ATP11A: variants seen among roughly 807,000 people sequenced by gnomAD.
The protein encoded by ATP11A is ATPase phospholipid transporting 11A, also known as phospholipid-transporting ATPase IH.
Under a neutral mutation model 154.4 loss-of-function variants are expected in ATP11A, and 81 were observed. That is an observed-to-expected ratio of 0.52 (90% CI 0.44 to 0.63). The LOEUF (loss-of-function observed/expected upper bound fraction) is 0.63, where lower values mean the gene tolerates loss of function less well. Among genes scored for constraint, ATP11A ranks in the 30% least tolerant of loss-of-function variants. ATP11A has a pLI of 0.00. For synonymous variants in ATP11A, 623 were observed against 585.9 expected (o/e 1.06, Z -0.91); for missense variants, 1,316 against 1,474.3 (o/e 0.89, Z 1.76).
At chr13:112,802,174 C>G (rs1319808039) in intron 2 of ATP11A, among the ~76,000 whole-genome samples, 1 of 152,104 alleles carries the variant, frequency 6.6e-6, no homozygotes, top group Non-Finnish European at 1.5e-5. Flanking sequence ...GAAACCCCAT[C>G]TCTACTAAAA....
chr13:112,867,002 T>C (rs1169290947), intron 25 of ATP11A, among the ~76,000 whole-genome samples: 1 of 152,224 alleles, frequency 6.6e-6, no homozygotes, highest in Non-Finnish European at 1.5e-5. Context: ...GTTGATTCTT[T>C]TGTATCTTTT....
intron 3 of ATP11A, among the ~76,000 whole-genome samples, chr13:112,805,540 G>C (rs971508497): frequency 7.2e-5 from 11 of 152,092 alleles, no homozygotes; most frequent in African/African-American, 2.4e-4. Flanking sequence ...GCTGGGTGTG[G>C]TGGTGCACAC....
At chr13:112,863,336 G>A (rs71446923) in intron 25 of ATP11A, among the ~76,000 whole-genome samples, 3 of 139,922 alleles carry the variant, frequency 2.1e-5, no homozygotes, top group South Asian at 2.3e-4. Flanking sequence ...GCTTCCCAGC[G>A]GGGTCCATCA....
At chr13:112,821,740 G>A (rs1046234855) in intron 8 of ATP11A, among the ~76,000 whole-genome samples, 5 of 152,194 alleles carry the variant, frequency 3.3e-5, no homozygotes, top group African/African-American at 7.2e-5. Context: ...TCAGAGTGAC[G>A]TTTCTTCTTC....
intron 2 of ATP11A, among the ~76,000 whole-genome samples, chr13:112,798,909 T>C (rs916050331): frequency 6.6e-6 from 1 of 152,188 alleles, no homozygotes; most frequent in Non-Finnish European, 1.5e-5. Context: ...CCTAACCATA[T>C]GTTGTGTGCA....
At chr13:112,751,265 G>A (rs1171492847) in intron 1 of ATP11A, among the ~76,000 whole-genome samples, 8 of 152,312 alleles carry the variant, frequency 5.3e-5, no homozygotes, top group East Asian at 1.9e-4. Context: ...GCCACCGTAC[G>A]TTTTTCTTCC....
rs1417175911 is a variant in ATP11A at position 112,819,847 on chromosome 13, T to TC, written c.675-50dup. ...AAGGCAGGTGGGCCAGGCGCGCGCT[T>TC]CCCGGGGGCCGCTGGGCGCGTCCGG... On this transcript the variant is annotated intron_variant, in intron 7 of 29. Coordinates refer to ENST00000375645, the MANE Select transcript of ATP11A (RefSeq NM_015205.3). The TC allele has an allele frequency of 8.7e-6, 14 of 1,608,136 alleles. 1 individual carries two copies. In the Admixed American group the frequency reaches 1.2e-4, roughly 13 times the overall value.
intron 1 of ATP11A, among the ~76,000 whole-genome samples, chr13:112,724,968 G>T (rs1889660494): frequency 6.6e-6 from 1 of 152,206 alleles, no homozygotes; most frequent in African/African-American, 2.4e-5. Flanking sequence ...CCCTGTGTGG[G>T]CTGGGCTGTG....
chr13:112,859,600 G>T lies in ATP11A; in HGVS notation c.2727+148G>T. The stretch of plus-strand genomic sequence containing the variant: ...AGGGTGCCCAGCAGCAGGCGGGGGT[G>T]AAGGGTCGGGCCTGGGGAGGGGGGC... On this transcript the variant is annotated intron_variant, in intron 23 of 29. Transcript: ENST00000375645. The surrounding 1 kb of genome is among the most constrained non-coding windows in gnomAD (Gnocchi z 4.3). 7.2e-6 allele frequency: 5 copies of T among 690,478 alleles called. No homozygotes were observed. The highest frequency in any genetic ancestry group is 7.8e-6 in the Non-Finnish European group (3 of 383,188). 42.8% of individuals were successfully genotyped at this position (690,478 alleles called of 1,614,324 possible). A position where few individuals can be genotyped will look rare whatever the true frequency, so the allele number is the denominator to read the frequency against.
Position 112,831,941 on chromosome 13 carries a change from G to T in ATP11A, c.1395+393G>T, listed in dbSNP as rs536038870. On this transcript the variant is annotated intron_variant, in intron 13 of 29. Transcript: ENST00000375645. ...ACTGTGTGCACACACAGACACACAT[G>T]CACACATGCAGACACACACACTCAC... Among the ~76,000 whole-genome samples, 793 of 127,876 alleles carry T rather than the reference G, an allele frequency of 6.2e-3. 10 individuals are homozygous for T. The highest frequency in any genetic ancestry group is 0.027 in the African/African-American group (764 of 28,218). 83.9% of individuals were successfully genotyped at this position (127,876 alleles called of 152,430 possible).
At chr13:112,803,739 CCCCTCCTTCTCTCAT>C (rs2078203979) in intron 2 of ATP11A, among the ~76,000 whole-genome samples, 1 of 127,218 alleles carries the variant, frequency 7.9e-6, no homozygotes, top group Non-Finnish European at 1.7e-5. Flanking sequence ...TGACCTCCTT[CCCCTCCTTCTCTCAT>C]TCCCCTCCTT....
chr13:112,856,991 C>T (rs1230597463), intron 20 of ATP11A, among the ~76,000 whole-genome samples: 2 of 152,184 alleles, frequency 1.3e-5, no homozygotes, highest in African/African-American at 4.8e-5. Context: ...TTGATGTCCT[C>T]CTCTCCCTCA....
intron 1 of ATP11A, among the ~76,000 whole-genome samples, chr13:112,710,232 T>G (rs917778113): frequency 6.6e-6 from 1 of 152,218 alleles, no homozygotes; most frequent in Non-Finnish European, 1.5e-5. Flanking sequence ...GTCTGCTGCC[T>G]TGGGGGCCCT....
In ATP11A at chr13:112,807,546, G is replaced by GT. The variant is rs1414892925; in HGVS notation, c.333+1256dup. On this transcript the variant is annotated intron_variant, in intron 4 of 29. Coordinates refer to ENST00000375645, the MANE Select transcript of ATP11A (RefSeq NM_015205.3). This position sits in a 1 kb window ranked among gnomAD's most constrained non-coding sequence, Gnocchi z 4.5. ...GGACGCGCTGCCTGTGACTCAGGCA[G>GT]TTTAACTCCTACCTGGGATAAGGCC... is the stretch of plus-strand genomic sequence containing the variant. Among the ~76,000 whole-genome samples, 1 of 152,200 alleles carries GT rather than the reference G, an allele frequency of 6.6e-6. No homozygotes were observed. The highest frequency in any genetic ancestry group is 1.5e-5 in the Non-Finnish European group (1 of 68,032).
intron 1 of ATP11A, among the ~76,000 whole-genome samples, chr13:112,772,787 C>T (rs2077257375): frequency 6.6e-6 from 1 of 152,258 alleles, no homozygotes; most frequent in African/African-American, 2.4e-5. Flanking sequence ...CGGGGTCACC[C>T]CGCATTTCCC....
rs372958825 is a variant in ATP11A at position 112,826,853 on chromosome 13, C to A, written c.1183C>A (p.Leu395Met). 1.2e-6 allele frequency: 2 copies of A among 1,614,070 alleles called. No individual in the cohort carries two copies. The highest frequency in any genetic ancestry group is 2.7e-5 in the African/African-American group (2 of 74,906). The stretch of plus-strand genomic sequence containing the variant: ...TGACGAGGAGACTGGCGAGGGGCCT[C>A]TGGTGAACACGTCGGACCTCAATGA... ...MFDEETGEGPLVNTSDLNEEL... is the reference protein window; with the variant it reads ...MFDEETGEGPMVNTSDLNEEL... Residue 395 changes from leucine to methionine, a missense_variant, in exon 12 of 30, where the codon CTG (leucine) becomes ATG (methionine). This residue lies in a region of ATP11A where 876 missense variants were observed against 1,006.8 expected (regional missense o/e 0.87). Coordinates refer to ENST00000375645, the MANE Select transcript of ATP11A (RefSeq NM_015205.3).
At chr13:112,805,155 C>G in intron 3 of ATP11A, 109 bp downstream of exon 3, 1 of 725,716 alleles carries the variant, frequency 1.4e-6, no homozygotes, top group East Asian at 2.8e-5. Flanking sequence ...ACATGGTGCC[C>G]CTCACCTATG....
In ATP11A at chr13:112,860,364, G is replaced by A; in HGVS notation, c.2805G>A (p.Met935Ile). The A allele has an allele frequency of 1.2e-6, 2 of 1,614,122 alleles. No homozygotes were observed. The highest frequency in any genetic ancestry group is 1.7e-6 in the Non-Finnish European group (2 of 1,180,024). ...TSLPILLYSL[M>I]EQHVGIDVLK... is the part of the protein sequence containing the mutation. Reference sequence around the variant, plus strand: ...TCCCCATCCTCCTGTACAGCCTCATGGAGCAGCATGTTGGCATTGACGTGC... The same window carrying A: ...TCCCCATCCTCCTGTACAGCCTCATAGAGCAGCATGTTGGCATTGACGTGC... The change falls in exon 24 of 30, where the codon ATG (methionine) becomes ATA (isoleucine). Residue 935 changes from methionine to isoleucine, a missense_variant. Around this residue, in one of 5 missense-constraint regions of ATP11A, gnomAD observed 294 missense variants for 290.2 expected, o/e 1.01. Transcript: ENST00000375645.
intron 1 of ATP11A, among the ~76,000 whole-genome samples, chr13:112,772,411 G>C (rs2077247577): frequency 6.6e-6 from 1 of 152,202 alleles, no homozygotes; most frequent in Non-Finnish European, 1.5e-5. Context: ...TAGGAAGAGA[G>C]CTTTGTTGAA....
Sources: gnomAD v4.1 joint callset for allele counts (sites outside exome capture counted in the v4.1 genomes callset) on GRCh38, gnomAD v4.1.1 for gene constraint, gnomAD v4.1.1 regional missense constraint, Gnocchi (gnomAD v3.1) non-coding constraint, MANE v1.5 for transcripts, NCBI Gene and HGNC (gene_info 2026-07-23, HGNC 2026-07-21) for gene names.